The following NRG3 variants were observed in gnomAD, a reference collection of about 807,000 sequenced individuals.
NRG3 encodes pro-neuregulin-3, membrane-bound isoform.
NRG3 carries 31 observed loss-of-function variants against 66.9 expected under a neutral mutation model. The observed-to-expected ratio is 0.46, with a 90% CI of 0.35 to 0.63. NRG3 has a LOEUF of 0.63. Ranked by LOEUF, NRG3 falls within the 20% of genes least tolerant of loss-of-function variation. NRG3 has a pLI of 0.00. For synonymous variants in NRG3, 393 were observed against 359.4 expected (o/e 1.09, Z -1.06); for missense variants, 910 against 878.9 (o/e 1.04, Z -0.45).
At chr10:81,976,100 T>C (rs2060116034) in intron 1 of NRG3, among the ~76,000 whole-genome samples, 1 of 152,200 alleles carries the variant, frequency 6.6e-6, no homozygotes, top group Admixed American at 6.5e-5. Flanking sequence ...ATTTGTATTG[T>C]TTTAATTTAC....
intron 3 of NRG3, among the ~76,000 whole-genome samples, chr10:82,824,928 C>A (rs536628698): frequency 6.6e-6 from 1 of 151,974 alleles, no homozygotes; most frequent in African/African-American, 2.4e-5. Context: ...CCCAGGCTGG[C>A]CTTGAGCTCC....
At chr10:82,723,284 A>G (rs994890415) in intron 2 of NRG3, among the ~76,000 whole-genome samples, 5 of 152,184 alleles carry the variant, frequency 3.3e-5, no homozygotes, top group Non-Finnish European at 7.3e-5. Context: ...GGACATAAAA[A>G]TGGCAACAAT....
chr10:81,932,787 T>C (rs1847496231), intron 1 of NRG3, among the ~76,000 whole-genome samples: 1 of 152,168 alleles, frequency 6.6e-6, no homozygotes, highest in Non-Finnish European at 1.5e-5. Context: ...CAAAGGGTCA[T>C]GGTCTTTCTG....
chr10:82,881,622 C>T (rs1157188526), intron 4 of NRG3, among the ~76,000 whole-genome samples: 1 of 152,178 alleles, frequency 6.6e-6, no homozygotes, highest in Non-Finnish European at 1.5e-5. Context: ...CACACACACA[C>T]TGAAGCCAGG....
At chr10:82,274,853 G>A (rs2078763910) in intron 1 of NRG3, among the ~76,000 whole-genome samples, 1 of 151,862 alleles carries the variant, frequency 6.6e-6, no homozygotes, top group African/African-American at 2.4e-5. Context: ...TACCTCACTT[G>A]ATCAGACAAG....
intron 1 of NRG3, among the ~76,000 whole-genome samples, chr10:82,152,543 T>C (rs1398200238): frequency 6.6e-6 from 1 of 152,098 alleles, no homozygotes; most frequent in African/African-American, 2.4e-5. Flanking sequence ...ATCGGGGACG[T>C]AGCTCTGTGA....
At chr10:82,627,712 C>T (rs975506692) in intron 2 of NRG3, among the ~76,000 whole-genome samples, 15 of 152,142 alleles carry the variant, frequency 9.9e-5, no homozygotes, top group African/African-American at 3.4e-4. Context: ...AATGGACTCT[C>T]ACATACATCC....
intron 2 of NRG3, among the ~76,000 whole-genome samples, chr10:82,439,749 A>G (rs917840894): frequency 6.6e-6 from 1 of 151,988 alleles, no homozygotes; most frequent in East Asian, 1.9e-4. Flanking sequence ...TTGGAATAAA[A>G]TTAATTTGGT....
At chr10:82,733,539 G>A (rs2058020457) in intron 2 of NRG3, among the ~76,000 whole-genome samples, 1 of 152,146 alleles carries the variant, frequency 6.6e-6, no homozygotes, top group South Asian at 2.1e-4. Context: ...TGTTGACTGG[G>A]CTATCTATGT....
At chr10:82,541,219 T>A (rs2043517547) in intron 2 of NRG3, among the ~76,000 whole-genome samples, 1 of 152,100 alleles carries the variant, frequency 6.6e-6, no homozygotes, top group Non-Finnish European at 1.5e-5. Flanking sequence ...AAAATAAAAA[T>A]GAATGTCAAT....
intron 2 of NRG3, among the ~76,000 whole-genome samples, chr10:82,483,468 G>A (rs1227829832): frequency 1.3e-5 from 2 of 152,166 alleles, no homozygotes; most frequent in Non-Finnish European, 2.9e-5. Context: ...ATTCTTGTAT[G>A]TTTTCATAAA....
intron 1 of NRG3, among the ~76,000 whole-genome samples, chr10:81,908,790 T>C (rs925550245): frequency 1.3e-5 from 2 of 152,164 alleles, no homozygotes; most frequent in Non-Finnish European, 2.9e-5. Context: ...GCATCTGGTG[T>C]CAGCTGCTGG....
At chr10:82,757,111 A>C (rs1486207524) in intron 3 of NRG3, among the ~76,000 whole-genome samples, 1 of 152,120 alleles carries the variant, frequency 6.6e-6, no homozygotes, top group African/African-American at 2.4e-5. Flanking sequence ...TGTGATGCAC[A>C]GGATTTGCTC....
intron 2 of NRG3, among the ~76,000 whole-genome samples, chr10:82,397,903 A>G (rs2086816235): frequency 6.6e-6 from 1 of 152,194 alleles, no homozygotes; most frequent in Non-Finnish European, 1.5e-5. Context: ...AAGAAAGGTC[A>G]AGGAAGACCT....
intron 4 of NRG3, among the ~76,000 whole-genome samples, chr10:82,923,785 C>A (rs192772054): frequency 1.3e-5 from 2 of 152,094 alleles, no homozygotes. Context: ...CCTTTCCCCC[C>A]TCCTCCTTCT....
chr10:82,505,007 A>G (rs1844540140), intron 2 of NRG3, among the ~76,000 whole-genome samples: 1 of 152,234 alleles, frequency 6.6e-6, no homozygotes, highest in Non-Finnish European at 1.5e-5. Flanking sequence ...CTATGGGCCA[A>G]GAGATAATTT....
intron 3 of NRG3, among the ~76,000 whole-genome samples, chr10:82,823,295 T>G (rs2062033813): frequency 6.6e-6 from 1 of 152,188 alleles, no homozygotes; most frequent in African/African-American, 2.4e-5. Context: ...AGAGACTGGC[T>G]GCTTTGGGAG....
At chr10:82,865,197 A>C (rs1840587036) in intron 3 of NRG3, among the ~76,000 whole-genome samples, 2 of 152,282 alleles carry the variant, frequency 1.3e-5, no homozygotes, top group Middle Eastern at 3.4e-3. Context: ...GCTATAGCTC[A>C]GAGGCTTTGG....
At chr10:82,923,408 G>A (rs1846642866) in intron 4 of NRG3, among the ~76,000 whole-genome samples, 1 of 152,154 alleles carries the variant, frequency 6.6e-6, no homozygotes, top group Admixed American at 6.5e-5. Context: ...CCTGGATTAT[G>A]TACTTATTAT....
Sources: gnomAD v4.1 joint callset for allele counts (sites outside exome capture counted in the v4.1 genomes callset) on GRCh38, gnomAD v4.1.1 for gene constraint, MANE v1.5 for transcripts, NCBI Gene and HGNC (gene_info 2026-07-23, HGNC 2026-07-21) for gene names.